Variants in TUNAR observed in about 807,000 individuals in gnomAD.
The protein encoded by TUNAR is transmembrane neural differentiation associated intracellular calcium regulator.
In TUNAR at chr14:95,909,185, T is replaced by C. The variant is rs1889473560; in HGVS notation, c.13-13596T>C. On this transcript the variant is annotated intron_variant, in intron 2 of 2. Transcript: ENST00000678517. ...TGTTTTTTCTCTTTAGATCAGTGTT[T>C]AAACTTTTCTCACTCAACACACAGT... Among the ~76,000 whole-genome samples the C allele has an allele frequency of 2.0e-5, 3 of 152,138 alleles. No individual in the cohort carries two copies. In the South Asian group the frequency reaches 6.2e-4, roughly 31 times the overall value.
chr14:95,912,899 T>C (rs1240287911), intron 2 of TUNAR, among the ~76,000 whole-genome samples: 1 of 152,132 alleles, frequency 6.6e-6, no homozygotes, highest in Non-Finnish European at 1.5e-5. Context: ...GACGCCATTC[T>C]CCTGCCTCAG....
At chr14:95,925,361 C>T (rs1317809597) in exon 3 of TUNAR, 6 of 152,214 alleles carry the variant, frequency 3.9e-5, no homozygotes, top group Admixed American at 3.9e-4. Flanking sequence ...GCACACCCTT[C>T]TCCCTCCCCT....
intron 2 of TUNAR, among the ~76,000 whole-genome samples, chr14:95,917,057 CAG>C (rs982900721): frequency 5.9e-5 from 9 of 152,198 alleles, no homozygotes; most frequent in African/African-American, 1.2e-4. Context: ...TTTTGATAAA[CAG>C]ATATTGAATT....
At chr14:95,881,059 A>G (rs11627192) in intron 2 of TUNAR, among the ~76,000 whole-genome samples, 25,481 of 152,102 alleles carry the variant, frequency 0.17, 2,280 homozygotes, top group African/African-American at 0.23. Context: ...TTCCACTGCT[A>G]CTGCAGTGTG....
chr14:95,888,560 G>A (rs1889115056), intron 2 of TUNAR, among the ~76,000 whole-genome samples: 1 of 152,154 alleles, frequency 6.6e-6, no homozygotes, highest in Non-Finnish European at 1.5e-5. Flanking sequence ...CACAGCCTGA[G>A]GGTGGGAGTG....
At chr14:95,903,278 T>C (rs1889383557) in intron 2 of TUNAR, among the ~76,000 whole-genome samples, 1 of 152,324 alleles carries the variant, frequency 6.6e-6, no homozygotes, top group Middle Eastern at 3.4e-3. Flanking sequence ...CAATTATTGA[T>C]GGACATAAAG....
At chr14:95,876,771 G>A (rs1243141537) in intron 1 of TUNAR, 61 bp from the exon 1 acceptor site, 1 of 152,242 alleles carries the variant, frequency 6.6e-6, no homozygotes, top group African/African-American at 2.4e-5. Flanking sequence ...GGGGCAGCGC[G>A]GTGCTGCTGG....
rs79385093 is a variant in TUNAR at position 95,916,005 on chromosome 14, T to TA, written c.13-6768dup. Among the ~76,000 whole-genome samples the TA allele has an allele frequency of 5.8e-3, 888 of 152,284 alleles. 75 individuals carry two copies. In the East Asian group the frequency reaches 0.14, roughly 25 times the overall value. ...CCAGTCTTTAAAACCCTGTGTTTTT[T>TA]AAAAAAAATTGTTTTTGCTAATTAA... On this transcript the variant is annotated intron_variant, in intron 2 of 2. Transcript: ENST00000678517.
At chr14:95,889,353 C>T (rs905609262) in intron 2 of TUNAR, among the ~76,000 whole-genome samples, 1 of 152,174 alleles carries the variant, frequency 6.6e-6, no homozygotes, top group African/African-American at 2.4e-5. Flanking sequence ...TCATTGTTTT[C>T]CTTCTGATTT....
At chr14:95,904,794 G>C (rs572480753) in intron 2 of TUNAR, among the ~76,000 whole-genome samples, 1 of 152,224 alleles carries the variant, frequency 6.6e-6, no homozygotes, top group Non-Finnish European at 1.5e-5. Flanking sequence ...GGGGCTGCCC[G>C]GGCTGGGTAC....
chr14:95,889,113 T>C (rs1889125122), intron 2 of TUNAR, among the ~76,000 whole-genome samples: 1 of 152,104 alleles, frequency 6.6e-6, no homozygotes, highest in South Asian at 2.1e-4. Flanking sequence ...AAGAGGCCTT[T>C]ATACCAACCC....
intron 2 of TUNAR, among the ~76,000 whole-genome samples, chr14:95,908,908 G>A (rs914679748): frequency 3.9e-5 from 6 of 152,140 alleles, no homozygotes; most frequent in Non-Finnish European, 8.8e-5. Context: ...AGTAGCCCTG[G>A]CAAGTGGGGT....
chr14:95,884,711 C>A (rs1000519215), intron 2 of TUNAR, among the ~76,000 whole-genome samples: 1 of 152,192 alleles, frequency 6.6e-6, no homozygotes, highest in Non-Finnish European at 1.5e-5. Context: ...CTTTTGATCC[C>A]AGGGCCCTGT....
chr14:95,891,715 G>A (rs1389285181), intron 2 of TUNAR, among the ~76,000 whole-genome samples: 1 of 152,236 alleles, frequency 6.6e-6, no homozygotes, highest in African/African-American at 2.4e-5. Context: ...GTCTTCTAGG[G>A]TTGCCATAAC....
chr14:95,922,331 A>G (rs571073961), intron 2 of TUNAR, among the ~76,000 whole-genome samples: 1 of 152,170 alleles, frequency 6.6e-6, no homozygotes, highest in Non-Finnish European at 1.5e-5. Context: ...GAGCTTTAGC[A>G]TGGTAGGACT....
chr14:95,895,136 G>T lies in TUNAR; in HGVS notation c.12+17959G>T, dbSNP rs988338960. 3.9e-5 allele frequency among the ~76,000 whole-genome samples: 6 copies of T among 152,242 alleles called. No homozygotes were observed. Among genetic ancestry groups the T allele is most frequent in the African/African-American group, 1.4e-4 (6 of 41,460 alleles). On this transcript the variant is annotated intron_variant, in intron 2 of 2. Coordinates refer to ENST00000678517, the Ensembl canonical transcript of TUNAR. This position sits in a 1 kb window ranked among gnomAD's most constrained non-coding sequence, Gnocchi z 4.5. ...TGCAGAACCTGCCTTGAAGCTGGAC[G>T]AGGGTCATACAAGGTGTCCCAGAGA...
At chr14:95,907,171 T>C (rs539941992) in intron 2 of TUNAR, among the ~76,000 whole-genome samples, 1 of 152,358 alleles carries the variant, frequency 6.6e-6, no homozygotes, top group Non-Finnish European at 1.5e-5. Context: ...TGTGTGGACA[T>C]GCCATGGTTT....
intron 2 of TUNAR, among the ~76,000 whole-genome samples, chr14:95,912,651 GAACT>G (rs1176174470): frequency 6.6e-6 from 1 of 152,054 alleles, no homozygotes; most frequent in Non-Finnish European, 1.5e-5. Context: ...AAAATTGTTT[GAACT>G]TACTGAGAAA....
intron 2 of TUNAR, among the ~76,000 whole-genome samples, chr14:95,888,274 C>T (rs764876861): frequency 3.3e-5 from 5 of 152,136 alleles, no homozygotes; most frequent in Admixed American, 6.5e-5. Flanking sequence ...AAGTCCTTTC[C>T]GTGGACTCTT....
Sources: gnomAD v4.1 joint callset for allele counts (sites outside exome capture counted in the v4.1 genomes callset) on GRCh38, gnomAD v4.1.1 for gene constraint, Gnocchi (gnomAD v3.1) non-coding constraint, MANE v1.5 for transcripts, NCBI Gene and HGNC (gene_info 2026-07-23, HGNC 2026-07-21) for gene names.